Variants in GRAP2 observed in about 807,000 individuals in gnomAD.
The protein encoded by GRAP2 is GRB2-related adapter protein 2.
In GRAP2, 31 loss-of-function variants were observed where a neutral mutation model predicts 43.5. The observed-to-expected ratio is 0.71, with a 90% CI of 0.54 to 0.96. The LOEUF is 0.96. GRAP2 is among the 40% of genes least tolerant of loss of function. The probability of loss-of-function intolerance (pLI) is 0.00; values close to 1 mark genes in which losing one functional copy is unlikely to be tolerated. For missense variants in GRAP2, 371 were observed against 424.4 expected, an observed-to-expected ratio of 0.87 and a Z score of 1.11; for synonymous variants, 156 against 164.8, an observed-to-expected ratio of 0.95 and a Z score of 0.41.
Position 39,971,202 on chromosome 22 carries a change from C to G in GRAP2, c.*118C>G. 2.7e-6 allele frequency: 2 copies of G among 734,382 alleles called. No individual in the cohort carries two copies. Among genetic ancestry groups the G allele is most frequent in the Non-Finnish European group, 2.2e-6 (1 of 456,150 alleles). 45.5% of individuals were successfully genotyped at this position (734,382 alleles called of 1,614,324 possible). On this transcript the variant is annotated 3_prime_UTR_variant, in exon 8 of 8. Transcript: ENST00000344138. ...ATCTATCTACATCTGCCTGTGTACA[C>G]ACACAACTTTTTATACTAGTAATTT...
the GRAP2 span, among the ~76,000 whole-genome samples, chr22:39,894,975 A>G: frequency 6.6e-6 from 1 of 152,232 alleles, no homozygotes. Flanking sequence ...AGGAGGACGT[A>G]AGAGGCAAAG....
At chr22:39,938,631 C>T (rs540590435) in intron 1 of GRAP2, among the ~76,000 whole-genome samples, 1 of 152,236 alleles carries the variant, frequency 6.6e-6, no homozygotes, top group Non-Finnish European at 1.5e-5. Context: ...GAGCCTGAGG[C>T]CCTTCCCAGA....
At position 39,956,636 on chromosome 22, in the gene GRAP2, C is replaced by CTTTTTTTTTTTTTTTTTT. The variant is rs1601732092; in HGVS notation, c.170+730_170+731insTTTTTTTTTTTTTTTTTT. ...GGTGCATGCCACCACACCCAGCTAACTTTTGTATTTTTAGTAGAGATGGGG... is the reference window on the plus strand; with the variant it reads ...GGTGCATGCCACCACACCCAGCTAACTTTTTTTTTTTTTTTTTTTTTTGTATTTTTAGTAGAGATGGGG... On this transcript the variant is annotated intron_variant, in intron 3 of 7. Coordinates refer to ENST00000344138, the MANE Select transcript of GRAP2 (RefSeq NM_004810.4). Among the ~76,000 whole-genome samples, 4 of 151,042 alleles carry CTTTTTTTTTTTTTTTTTT rather than the reference C, an allele frequency of 2.6e-5. No homozygotes were observed. The East Asian group carries it at 6.2e-4, about 23-fold the overall frequency.
intron 1 of GRAP2, among the ~76,000 whole-genome samples, chr22:39,912,428 A>G (rs1033629303): frequency 1.3e-5 from 2 of 152,176 alleles, no homozygotes; most frequent in African/African-American, 4.8e-5. Flanking sequence ...TCTCTGGAAA[A>G]AAAGTACTCT....
intron 5 of GRAP2, 22 bp downstream of exon 5, chr22:39,966,180 C>A: frequency 1.2e-6 from 2 of 1,604,044 alleles, no homozygotes; most frequent in Non-Finnish European, 1.7e-6. Flanking sequence ...ATCCAGTCGA[C>A]CCCAATCTAG....
intron 2 of GRAP2, among the ~76,000 whole-genome samples, chr22:39,953,602 G>C (rs1466727768): frequency 6.6e-6 from 1 of 152,088 alleles, no homozygotes; most frequent in Admixed American, 6.5e-5. Context: ...ACAGAGCTCT[G>C]TCGCTCTCTC....
At chr22:39,907,485 C>T (rs1368509844) in intron 1 of GRAP2, among the ~76,000 whole-genome samples, 1 of 152,178 alleles carries the variant, frequency 6.6e-6, no homozygotes, top group African/African-American at 2.4e-5. Context: ...CGTACAGGCT[C>T]ATTGACTTTG....
chr22:39,924,373 C>T (rs536145833), intron 1 of GRAP2, among the ~76,000 whole-genome samples: 1 of 152,196 alleles, frequency 6.6e-6, no homozygotes, highest in Non-Finnish European at 1.5e-5. Context: ...CACGGTCGTA[C>T]TTTCCATGAG....
At chr22:39,931,680 G>A (rs2066756842) in intron 1 of GRAP2, among the ~76,000 whole-genome samples, 1 of 152,154 alleles carries the variant, frequency 6.6e-6, no homozygotes, top group African/African-American at 2.4e-5. Context: ...AAAGTAGATG[G>A]CGAATTTGAG....
chr22:39,965,952 C>T (rs1437758856), intron 4 of GRAP2, 38 bp from the exon 5 acceptor site: 21 of 1,565,392 alleles, frequency 1.3e-5, no homozygotes, highest in Non-Finnish European at 1.8e-5. Context: ...GACATTATCA[C>T]CGTGTAACAT....
chr22:39,948,000 G>A (rs2066941366), intron 2 of GRAP2: 1 of 151,922 alleles, frequency 6.6e-6, no homozygotes, highest in Non-Finnish European at 1.5e-5. Context: ...CCTGATCCCT[G>A]GTCCTCAGAT....
chr22:39,894,914 C>T, the GRAP2 span, among the ~76,000 whole-genome samples: 2 of 152,180 alleles, frequency 1.3e-5, no homozygotes, highest in Non-Finnish European at 2.9e-5. Flanking sequence ...GAGTTTACAT[C>T]TGAATTGAAT....
intron 1 of GRAP2, among the ~76,000 whole-genome samples, chr22:39,936,165 T>C (rs746327846): frequency 3.9e-5 from 6 of 152,148 alleles, no homozygotes; most frequent in South Asian, 2.1e-4. Flanking sequence ...TCTGTCTGTC[T>C]CTCTCGACTG....
Position 39,971,257 on chromosome 22 carries a change from G to A in GRAP2, c.*173G>A. 1 of 556,944 alleles carries A rather than the reference G, an allele frequency of 1.8e-6. No homozygotes were observed. Among genetic ancestry groups the A allele is most frequent in the Non-Finnish European group, 3.1e-6 (1 of 324,478 alleles). The allele number at this position is 556,944 out of a possible 1,614,324, so 34.5% of individuals were successfully genotyped here. A position where few individuals can be genotyped will look rare whatever the true frequency, so the allele number is the denominator to read the frequency against. Reference sequence around the variant, plus strand: ...GCAATTGGGCTGGTAATTAGTTGATGCAAAAGGGAACTCAGGTGGAGAATA... The same window carrying A: ...GCAATTGGGCTGGTAATTAGTTGATACAAAAGGGAACTCAGGTGGAGAATA... On this transcript the variant is annotated 3_prime_UTR_variant, in exon 8 of 8. Coordinates refer to ENST00000344138, the MANE Select transcript of GRAP2 (RefSeq NM_004810.4).
intron 1 of GRAP2, among the ~76,000 whole-genome samples, chr22:39,904,225 C>T (rs1214360255): frequency 6.6e-6 from 1 of 151,964 alleles, no homozygotes; most frequent in Non-Finnish European, 1.5e-5. Flanking sequence ...CCTGTCTCTA[C>T]CAAAATACAA....
At chr22:39,968,600 C>T in intron 6 of GRAP2, 1 of 381,936 alleles carries the variant, frequency 2.6e-6, no homozygotes, top group Middle Eastern at 6.6e-4. Flanking sequence ...GCCCCTTAGC[C>T]CATCTGGCTG....
chr22:39,968,963 G>A (rs2067208589), intron 6 of GRAP2, among the ~76,000 whole-genome samples: 1 of 152,104 alleles, frequency 6.6e-6, no homozygotes, highest in Admixed American at 6.6e-5. Context: ...GCCCCTCCCT[G>A]GGCAGTCCTA....
chr22:39,914,023 A>G (rs1343238510), intron 1 of GRAP2, among the ~76,000 whole-genome samples: 1 of 151,970 alleles, frequency 6.6e-6, no homozygotes, highest in Non-Finnish European at 1.5e-5. Context: ...AAGCATCTCA[A>G]TTCCATTAGT....
chr22:39,969,119 G>A (rs76480080), intron 6 of GRAP2, among the ~76,000 whole-genome samples: 1,795 of 152,296 alleles, frequency 0.012, 30 homozygotes, highest in African/African-American at 0.04. Context: ...TGAAGCCAGA[G>A]ACCTTCTCTT....
Sources: gnomAD v4.1 joint callset for allele counts (sites outside exome capture counted in the v4.1 genomes callset) on GRCh38, gnomAD v4.1.1 for gene constraint, MANE v1.5 for transcripts, NCBI Gene and HGNC (gene_info 2026-07-23, HGNC 2026-07-21) for gene names.